Variants in PXMP2 observed in about 807,000 individuals in gnomAD.
The protein encoded by PXMP2 is peroxisomal membrane protein 2.
PXMP2 carries 13 observed loss-of-function variants against 20.2 expected under a neutral mutation model. The observed-to-expected ratio is 0.64, with a 90% CI of 0.42 to 1.02. The LOEUF (loss-of-function observed/expected upper bound fraction) is 1.02, where lower values mean the gene tolerates loss of function less well. Among genes scored for constraint, PXMP2 ranks in the 50% least tolerant of loss-of-function variants. The pLI, the probability that PXMP2 is intolerant of heterozygous loss-of-function variation, is 0.00. For synonymous variants in PXMP2, 113 were observed against 111.2 expected (o/e 1.02, Z -0.10); for missense variants, 284 against 251.8 (o/e 1.13, Z -0.87).
intron 1 of PXMP2, 111 bp from the exon 2 acceptor site, chr12:132,690,151 AC>A (rs1176805132): frequency 3.9e-6 from 3 of 777,494 alleles, no homozygotes; most frequent in Admixed American, 4.5e-5. Context: ...AAGAATTCCT[AC>A]CCCCCGCCCA....
In PXMP2 at chr12:132,687,666, A is replaced by C. The variant is rs548077770; in HGVS notation, c.-5A>C. On this transcript the variant is annotated 5_prime_UTR_variant, in exon 1 of 5. Transcript: ENST00000317479. Reference sequence around the variant, plus strand: ...TGCCCCCGGCGGCACGGCGCTGGGGAGGCGATGGCGCCGGCCGCGTCCAGG... The same window carrying C: ...TGCCCCCGGCGGCACGGCGCTGGGGCGGCGATGGCGCCGGCCGCGTCCAGG... 2 of 1,167,550 alleles carry C rather than the reference A, an allele frequency of 1.7e-6. No homozygotes were observed. The highest frequency in any genetic ancestry group is 9.5e-5 in the Admixed American group (2 of 21,094). The allele number at this position is 1,167,550 out of a possible 1,614,324, so 72.3% of individuals were successfully genotyped here.
chr12:132,688,319 C>T (rs2043332854), intron 1 of PXMP2, among the ~76,000 whole-genome samples: 1 of 134,910 alleles, frequency 7.4e-6, no homozygotes, highest in African/African-American at 2.9e-5. Flanking sequence ...CTGCGGGGCA[C>T]GGGTGAAGAC....
intron 1 of PXMP2, among the ~76,000 whole-genome samples, chr12:132,689,626 T>G (rs74464688): frequency 0.011 from 1,737 of 152,268 alleles, 36 homozygotes; most frequent in African/African-American, 0.04. Flanking sequence ...CCAGAGAGCT[T>G]CTCAGAAGGC....
chr12:132,697,773 G>C (rs1280091476), intron 3 of PXMP2, among the ~76,000 whole-genome samples: 3 of 151,398 alleles, frequency 2.0e-5, no homozygotes, highest in African/African-American at 2.4e-5. Flanking sequence ...AACTGCCAAA[G>C]AGATCTGTGG....
In PXMP2 at chr12:132,691,164, G is replaced by A. The variant is rs534969190; in HGVS notation, c.236+788G>A. 1.3e-5 allele frequency among the ~76,000 whole-genome samples: 2 copies of A among 150,784 alleles called. 1 individual carries two copies. Among genetic ancestry groups the A allele is most frequent in the African/African-American group, 4.9e-5 (2 of 40,978 alleles). ...CCTCCTGGGTTCACGCCATTCTCCC[G>A]ACTCAGTCTCCCGAGTAGCTGGGAC... On this transcript the variant is annotated intron_variant, in intron 2 of 4. Coordinates refer to ENST00000317479, the MANE Select transcript of PXMP2 (RefSeq NM_018663.3).
At chr12:132,692,299 TGCCAGTTAATTAGTGAGCTCCCTTA>T in intron 2 of PXMP2, among the ~76,000 whole-genome samples, 1 of 130,130 alleles carries the variant, frequency 7.7e-6, no homozygotes, top group African/African-American at 2.9e-5. Flanking sequence ...TGAGCTCCCT[TGCCAGTTAATTAGTGAGCTCCCTTA>T]GCCAGTTAGT....
chr12:132,690,414 G>C (rs369338385), intron 2 of PXMP2, 38 bp downstream of exon 2: 8 of 1,519,080 alleles, frequency 5.3e-6, no homozygotes, highest in South Asian at 4.6e-5. Flanking sequence ...CCTTGTAGCC[G>C]CTGAGTGCAA....
chr12:132,690,432 G>A, intron 2 of PXMP2, 56 bp downstream of exon 2: 2 of 1,375,032 alleles, frequency 1.5e-6, no homozygotes, highest in Non-Finnish European at 2.0e-6. Flanking sequence ...CAACCAAGCT[G>A]GGCACCAAAA....
intron 2 of PXMP2, among the ~76,000 whole-genome samples, chr12:132,692,341 GCGCC>G: frequency 8.5e-5 from 11 of 129,024 alleles, no homozygotes; most frequent in African/African-American, 2.8e-4. Flanking sequence ...TAGTTAGTGA[GCGCC>G]CTTAGCCAGT....
At chr12:132,688,191 T>G (rs1593101167) in intron 1 of PXMP2, 6 of 125,614 alleles carry the variant, frequency 4.8e-5, no homozygotes, top group South Asian at 2.1e-4. Flanking sequence ...GGGGAGCGGG[T>G]CTGCGGGGCG....
At chr12:132,698,880 G>A (rs183333484) in intron 3 of PXMP2, among the ~76,000 whole-genome samples, 1 of 152,202 alleles carries the variant, frequency 6.6e-6, no homozygotes, top group East Asian at 1.9e-4. Context: ...GCCCACCTTG[G>A]CATTACAGGC....
chr12:132,690,354 C>T lies in PXMP2; in HGVS notation c.214C>T (p.Pro72Ser), dbSNP rs1190690070. Residue 72 changes from proline (P) to serine (S), a missense_variant, in exon 2 of 5, where the codon CCT (proline) becomes TCT (serine). Pro to Ser is a moderately conservative substitution (Grantham distance 74). Transcript: ENST00000317479. ...ENSRSLDVGG[P>S]LRYAVYGFFF... ...CTCTAGAAGTCTGGATGTCGGTGGG[C>T]CTCTGAGATATGCCGTTTACGGGTG... 1 of 1,613,552 alleles carries T rather than the reference C, an allele frequency of 6.2e-7. No homozygotes were observed.
At chr12:132,690,456 G>C in intron 2 of PXMP2, 80 bp downstream of exon 2, 1 of 1,023,940 alleles carries the variant, frequency 9.8e-7, no homozygotes, top group Non-Finnish European at 1.5e-6. Flanking sequence ...AGTAGTTGGA[G>C]TACTCTTATT....
At chr12:132,701,837 C>A (rs964187871) in intron 4 of PXMP2, among the ~76,000 whole-genome samples, 2 of 152,162 alleles carry the variant, frequency 1.3e-5, no homozygotes, top group African/African-American at 4.8e-5. Context: ...CACCTGTAAT[C>A]CCATCACTAT....
chr12:132,690,578 C>T (rs7397239), intron 2 of PXMP2, among the ~76,000 whole-genome samples: 1 of 151,164 alleles, frequency 6.6e-6, no homozygotes, highest in East Asian at 1.9e-4. Context: ...TTTGTTTTTT[C>T]TTTTTTTTTG....
chr12:132,690,330 T>C lies in PXMP2; in HGVS notation c.190T>C (p.Ser64Pro). Reference sequence around the variant, plus strand: ...TGAGAAGAAGCGGAAAAAAGAAAACTCTAGAAGTCTGGATGTCGGTGGGCC... The same window carrying C: ...TGAGAAGAAGCGGAAAAAAGAAAACCCTAGAAGTCTGGATGTCGGTGGGCC... Reference protein sequence around the residue: ...MIEKKRKKENSRSLDVGGPLR... With the variant: ...MIEKKRKKENPRSLDVGGPLR... Residue 64 changes from serine to proline, a missense_variant, in exon 2 of 5, where the codon TCT becomes CCT. Ser to Pro is a moderately conservative substitution (Grantham distance 74). Coordinates refer to ENST00000317479, the MANE Select transcript of PXMP2 (RefSeq NM_018663.3). 6.2e-7 allele frequency: 1 copy of C among 1,614,070 alleles called. No homozygotes were observed. The highest frequency in any genetic ancestry group is 8.5e-7 in the Non-Finnish European group (1 of 1,179,986).
intron 2 of PXMP2, among the ~76,000 whole-genome samples, chr12:132,692,511 T>C (rs2043375857): frequency 1.8e-5 from 2 of 111,670 alleles, no homozygotes; most frequent in Non-Finnish European, 4.0e-5. Context: ...AGTTAGTTAG[T>C]GAGCTCCCTT....
chr12:132,700,489 T>C (rs1056201142), intron 3 of PXMP2, among the ~76,000 whole-genome samples: 3 of 152,200 alleles, frequency 2.0e-5, no homozygotes, highest in African/African-American at 7.2e-5. Flanking sequence ...TTTTGAAAAA[T>C]GTTTGTATCC....
At chr12:132,690,783 G>C (rs370221283) in intron 2 of PXMP2, among the ~76,000 whole-genome samples, 139 of 152,222 alleles carry the variant, frequency 9.1e-4, no homozygotes, top group African/African-American at 3.2e-3. Flanking sequence ...CTGACCTCAA[G>C]TGATCCACCT....
Sources: allele counts gnomAD v4.1 joint callset (sites outside exome capture counted in the v4.1 genomes callset), GRCh38; gene constraint gnomAD v4.1.1; transcripts MANE v1.5; gene names NCBI Gene and HGNC (gene_info 2026-07-23, HGNC 2026-07-21).